Variants in VIL1 observed in about 807,000 individuals in gnomAD.
VIL1 encodes the protein villin 1, also known as villin-1.
VIL1 carries 86 observed loss-of-function variants against 104.0 expected under a neutral mutation model. The ratio of observed to expected loss-of-function variants is 0.83; its 90% CI spans 0.69 to 0.99. VIL1 has a LOEUF of 0.99. Among genes scored for constraint, VIL1 ranks in the 50% least tolerant of loss-of-function variants. The probability of loss-of-function intolerance (pLI) is 0.00; values close to 1 mark genes in which losing one functional copy is unlikely to be tolerated. For missense variants in VIL1, 944 were observed against 1,054.1 expected (o/e 0.90, Z 1.45); for synonymous variants, 394 against 412.6 (o/e 0.95, Z 0.55).
Position 218,437,160 on chromosome 2 carries a change from GAGA to G in VIL1, c.2014_2016del (p.Lys672del), listed in dbSNP as rs767458059. 4.5e-5 allele frequency: 72 copies of G among 1,614,016 alleles called. No homozygotes were observed. The highest frequency in any genetic ancestry group is 1.6e-4 in the Middle Eastern group (1 of 6,084). On this transcript the variant is annotated inframe_deletion, in exon 17 of 20. Transcript: ENST00000248444. ...GATTGGGAAACATGCCAACGAGGAGGAGAAGAAGGCCGCAGCAACCACTGCACA... is the reference window on the plus strand; with the variant it reads ...GATTGGGAAACATGCCAACGAGGAGGAGAAGGCCGCAGCAACCACTGCACA...
In VIL1 at chr2:218,434,637, A is replaced by T. The variant is rs138440432; in HGVS notation, c.1612A>T (p.Asn538Tyr). Reference sequence around the variant, plus strand: ...GGCCTTTGAGGTCCCAGCGCGGGCCAATTTCCTCAATTCCAATGATGTCTT... The same window carrying T: ...GGCCTTTGAGGTCCCAGCGCGGGCCTATTTCCTCAATTCCAATGATGTCTT... ...TKAFEVPARA[N>Y]FLNSNDVFVL... The change falls in exon 14 of 20, where the codon AAT becomes TAT. Residue 538 changes from asparagine (N) to tyrosine (Y), a missense_variant. Physicochemically the swap from Asn to Tyr is moderately radical, Grantham distance 143. Coordinates refer to ENST00000248444, the MANE Select transcript of VIL1 (RefSeq NM_007127.3). The T allele has an allele frequency of 6.2e-7, 1 of 1,614,138 alleles. No individual in the cohort carries two copies. The highest frequency in any genetic ancestry group is 1.3e-5 in the African/African-American group (1 of 75,034).
intron 18 of VIL1, 139 bp from the exon 19 acceptor site, chr2:218,440,583 T>C (rs1689269402): frequency 9.9e-7 from 1 of 1,007,902 alleles, no homozygotes; most frequent in Non-Finnish European, 1.5e-6. Context: ...GTTGTTCTTA[T>C]GAGTGTGTGT....
intron 2 of VIL1, 70 bp from the exon 3 acceptor site, chr2:218,424,206 TG>T: frequency 1.1e-5 from 16 of 1,402,806 alleles, no homozygotes; most frequent in Non-Finnish European, 1.6e-5. Flanking sequence ...CTCCTCCCCT[TG>T]GGCCCTCCTC....
chr2:218,429,969 G>T, intron 9 of VIL1, 22 bp downstream of exon 9: 8 of 1,563,672 alleles, frequency 5.1e-6, no homozygotes, highest in Non-Finnish European at 7.0e-6. Context: ...GGCGGGGGAG[G>T]GTCCAGGAGG....
Position 218,436,579 on chromosome 2 carries a change from G to GT in VIL1, c.1924_1925insT (p.Asp642ValfsTer2), listed in dbSNP as rs1460611426. The GT allele has an allele frequency of 1.2e-6, 2 of 1,614,068 alleles. No individual in the cohort carries two copies. The highest frequency in any genetic ancestry group is 3.3e-5 in the Admixed American group (2 of 59,992). ...CACAGAGATCCCTGACTTCAATCAG[G>GT]ATGACTTGGAAGAGGATGATGTGTT... is the stretch of plus-strand genomic sequence containing the variant. On this transcript the variant is annotated frameshift_variant, in exon 16 of 20. Transcript: ENST00000248444. LOFTEE classifies it high-confidence loss of function.
chr2:218,423,947 T>C, intron 2 of VIL1, 94 bp downstream of exon 2: 1 of 1,434,668 alleles, frequency 7.0e-7, no homozygotes, highest in Non-Finnish European at 9.7e-7. Flanking sequence ...TCGTTTCCTC[T>C]GCTCCTGCCC....
At chr2:218,429,747 G>A in intron 8 of VIL1, 72 bp downstream of exon 8, 1 of 1,605,348 alleles carries the variant, frequency 6.2e-7, no homozygotes, top group East Asian at 2.2e-5. Context: ...AAAATTCCAG[G>A]GGGCTTGGGG....
At chr2:218,426,611 T>A (rs1217718714) in intron 4 of VIL1, among the ~76,000 whole-genome samples, 2 of 149,774 alleles carry the variant, frequency 1.3e-5, no homozygotes, top group Non-Finnish European at 3.0e-5. Flanking sequence ...CCAGCTAATT[T>A]TTTTTTTTGA....
At chr2:218,434,388 A>G in intron 13 of VIL1, 138 bp from the exon 14 acceptor site, 3 of 821,410 alleles carry the variant, frequency 3.7e-6, no homozygotes, top group Non-Finnish European at 3.7e-6. Context: ...ACAATGTTTT[A>G]GAAAGACCTG....
chr2:218,435,564 C>A, intron 15 of VIL1, 130 bp downstream of exon 15: 1 of 1,279,582 alleles, frequency 7.8e-7, no homozygotes, highest in Non-Finnish European at 1.1e-6. Flanking sequence ...TGCCAGACCC[C>A]CAGGGCTACA....
At chr2:218,437,940 G>A (rs1359128918) in intron 17 of VIL1, among the ~76,000 whole-genome samples, 7 of 152,202 alleles carry the variant, frequency 4.6e-5, no homozygotes, top group Non-Finnish European at 2.9e-5. Flanking sequence ...GTGAAGCCTG[G>A]CCTGGTGGCT....
chr2:218,420,063 T>C (rs1688872593), intron 1 of VIL1, among the ~76,000 whole-genome samples: 1 of 152,136 alleles, frequency 6.6e-6, no homozygotes, highest in Non-Finnish European at 1.5e-5. Context: ...GCTGCACGAC[T>C]GGGAACTAGG....
At chr2:218,426,494 C>T (rs944955893) in intron 4 of VIL1, among the ~76,000 whole-genome samples, 3 of 152,114 alleles carry the variant, frequency 2.0e-5, no homozygotes, top group African/African-American at 7.2e-5. Context: ...TCAAGTGATC[C>T]ATCTGCCTCA....
rs1323938662 is a variant in VIL1, at chr2:218,437,281, G to T, written c.2129G>T (p.Trp710Leu). 1 of 1,614,028 alleles carries T rather than the reference G, an allele frequency of 6.2e-7. No individual in the cohort carries two copies. Among genetic ancestry groups the T allele is most frequent in the African/African-American group, 1.3e-5 (1 of 74,946 alleles). Residue 710 changes from tryptophan to leucine, a missense_variant, in exon 17 of 20, where the codon TGG (tryptophan) becomes TTG (leucine). Trp to Leu is a moderately conservative substitution (Grantham distance 61). Transcript: ENST00000248444. ...QGHEPPTFTG[W>L]FLAWDPFKWS... ...CACGAGCCCCCCACCTTCACAGGCT[G>T]GTTCCTGGCTTGGGATCCCTTCAAG... is the stretch of plus-strand genomic sequence containing the variant.
chr2:218,426,197 T>TC (rs1282040458), intron 4 of VIL1, among the ~76,000 whole-genome samples: 1 of 151,576 alleles, frequency 6.6e-6, no homozygotes, highest in Non-Finnish European at 1.5e-5. Context: ...AAATGGCTGC[T>TC]CCCCCATCTC....
Position 218,430,864 on chromosome 2 carries a change from C to G in VIL1, c.1088C>G (p.Thr363Ser). 1 of 1,613,472 alleles carries G rather than the reference C, an allele frequency of 6.2e-7. No homozygotes were observed. The highest frequency in any genetic ancestry group is 2.2e-5 in the East Asian group (1 of 44,852). The change falls in exon 10 of 20, where the codon ACT becomes AGT. Residue 363 changes from threonine to serine, a missense_variant. Thr to Ser is a moderately conservative substitution (Grantham distance 58, BLOSUM62 1). Coordinates refer to ENST00000248444, the MANE Select transcript of VIL1 (RefSeq NM_007127.3). Reference protein sequence around the residue: ...NRTSGLGKTHTVGSVAKVEQV... With the variant: ...NRTSGLGKTHSVGSVAKVEQV... ...ACCTCAGGCCTAGGCAAAACCCACA[C>G]TGTGGGCTCCGTGGGTGAGGGCCAG...
intron 1 of VIL1, 136 bp from the exon 2 acceptor site, chr2:218,423,632 T>C: frequency 1.3e-6 from 1 of 747,080 alleles, no homozygotes; most frequent in East Asian, 2.7e-5. Flanking sequence ...GGTCCCTGAG[T>C]GGGGAGTAAC....
At position 218,423,803 on chromosome 2, in the gene VIL1, A is replaced by G; in HGVS notation, c.25A>G (p.Lys9Glu). 6 of 1,614,150 alleles carry G rather than the reference A, an allele frequency of 3.7e-6. No individual in the cohort carries two copies. The highest frequency in any genetic ancestry group is 2.2e-5 in the South Asian group (2 of 91,086). Residue 9 changes from lysine (K) to glutamate (E), a missense_variant, in exon 2 of 20, where the codon AAA becomes GAA. Coordinates refer to ENST00000248444, the MANE Select transcript of VIL1 (RefSeq NM_007127.3). Reference sequence around the variant, plus strand: ...CATGACCAAGCTGAGCGCCCAAGTCAAAGGCTCTCTCAACATCACCACCCC... The same window carrying G: ...CATGACCAAGCTGAGCGCCCAAGTCGAAGGCTCTCTCAACATCACCACCCC... MTKLSAQV[K>E]GSLNITTPGL...
chr2:218,436,651 C>T, intron 16 of VIL1, 25 bp downstream of exon 16: 1 of 1,606,666 alleles, frequency 6.2e-7, no homozygotes, highest in Non-Finnish European at 8.5e-7. Flanking sequence ...CTGGGGACCC[C>T]TCTTCCCAGC....
Sources: gnomAD v4.1 joint callset for allele counts (sites outside exome capture counted in the v4.1 genomes callset) on GRCh38, gnomAD v4.1.1 for gene constraint, MANE v1.5 for transcripts, NCBI Gene and HGNC (gene_info 2026-07-23, HGNC 2026-07-21) for gene names.